The following HBP1 variants were observed in gnomAD, a reference collection of about 807,000 sequenced individuals.
HBP1 encodes HMG box-containing protein 1.
In HBP1, 20 loss-of-function variants were observed where a neutral mutation model predicts 62.6. The observed-to-expected ratio is 0.32, with a 90% confidence interval of 0.22 to 0.46. HBP1 has a LOEUF of 0.46. Ranked by LOEUF, HBP1 falls within the 20% of genes least tolerant of loss-of-function variation. HBP1 has a pLI of 1.00. For missense variants in HBP1, 480 were observed against 611.8 expected, an observed-to-expected ratio of 0.78 and a Z score of 2.27; for synonymous variants, 232 against 206.2, an observed-to-expected ratio of 1.12 and a Z score of -1.07.
chr7:107,196,504 G>A lies in HBP1; in HGVS notation c.1385+353G>A, dbSNP rs191303274. The A allele has an allele frequency of 9.8e-5, 32 of 325,558 alleles. No individual in the cohort carries two copies. The East Asian group carries it at 2.3e-3, about 24-fold the overall frequency. 20.2% of individuals were successfully genotyped at this position (325,558 alleles called of 1,614,324 possible). On this transcript the variant is annotated intron_variant, in intron 9 of 10. Coordinates refer to ENST00000222574, the MANE Select transcript of HBP1 (RefSeq NM_012257.4). ...AGGCTGATCTCGAACTCCTGACCTC[G>A]TGATCCACCCACCTTGGCCTCCTAA...
intron 1 of HBP1, among the ~76,000 whole-genome samples, chr7:107,172,208 C>G (rs1393514365): frequency 6.6e-6 from 1 of 151,726 alleles, no homozygotes; most frequent in Non-Finnish European, 1.5e-5. Flanking sequence ...AAAGCTTTTC[C>G]CACAAGTTTT....
At position 107,169,204 on chromosome 7, in the gene HBP1, A is replaced by G. The variant is rs4730221; in HGVS notation, c.-16+19A>G. 1.3e-5 allele frequency: 9 copies of G among 669,920 alleles called. No homozygotes were observed. The South Asian group carries it at 2.7e-4, about 20-fold the overall frequency. The allele number at this position is 669,920 out of a possible 1,614,324, so 41.5% of individuals were successfully genotyped here. A position where few individuals can be genotyped will look rare whatever the true frequency, so the allele number is the denominator to read the frequency against. ...GCGGCAGGTTTGTTGTCTTTCAGTTAGGGAAGAGGTGGGGGTGGGGAAGGG... is the reference window on the plus strand; with the variant it reads ...GCGGCAGGTTTGTTGTCTTTCAGTTGGGGAAGAGGTGGGGGTGGGGAAGGG... On this transcript the variant is annotated intron_variant, in intron 1 of 10. Transcript: ENST00000222574.
rs1797385394 is a variant in HBP1 at position 107,186,576 on chromosome 7, A to G, written c.660A>G (p.Arg220=). The G allele has an allele frequency of 1.2e-6, 2 of 1,609,404 alleles. No homozygotes were observed. Among genetic ancestry groups the G allele is most frequent in the Admixed American group, 3.3e-5 (2 of 59,986 alleles). ...TTTCTACCTAAACCTTAGGCACACG[A>G]CTGTGCTTTCATAAGGGAAGCAATA... ...TVWHCFLKGT[R]LCFHKGSNKE... Residue 220 remains arginine, a synonymous_variant, in exon 6 of 11, where the codon CGA becomes CGG. Coordinates refer to ENST00000222574, the MANE Select transcript of HBP1 (RefSeq NM_012257.4).
chr7:107,173,164 T>C (rs1472962567), intron 1 of HBP1, among the ~76,000 whole-genome samples: 2 of 152,232 alleles, frequency 1.3e-5, no homozygotes, highest in Non-Finnish European at 2.9e-5. Flanking sequence ...TAATATACTT[T>C]GTTATGGAGG....
Position 107,200,033 on chromosome 7 carries a change from C to G in HBP1, c.1386-127C>G, listed in dbSNP as rs180882243. 2.6e-4 allele frequency: 177 copies of G among 683,976 alleles called. 1 individual carries two copies. In the African/African-American group the frequency reaches 3.0e-3, roughly 12 times the overall value. 42.4% of individuals were successfully genotyped at this position (683,976 alleles called of 1,614,324 possible). A position where few individuals can be genotyped will look rare whatever the true frequency, so the allele number is the denominator to read the frequency against. On this transcript the variant is annotated intron_variant, in intron 9 of 10. Transcript: ENST00000222574. ...TGAGCATTATGGCCTTGACCTTTTC[C>G]CATCTCTGTGATAGACAAGATTTTC...
chr7:107,188,211 A>G (rs1430571237), intron 6 of HBP1, among the ~76,000 whole-genome samples: 2 of 152,200 alleles, frequency 1.3e-5, no homozygotes, highest in Non-Finnish European at 2.9e-5. Context: ...GCTGCATGTT[A>G]GACATCTCTG....
intron 9 of HBP1, among the ~76,000 whole-genome samples, chr7:107,197,973 A>G (rs1798006700): frequency 6.6e-6 from 1 of 152,090 alleles, no homozygotes; most frequent in Non-Finnish European, 1.5e-5. Context: ...CACTTCTGGT[A>G]TTTAATTATT....
Position 107,179,918 on chromosome 7 carries a change from C to G in HBP1, c.25C>G (p.Gln9Glu), listed in dbSNP as rs1797031872. 2 of 1,561,332 alleles carry G rather than the reference C, an allele frequency of 1.3e-6. No individual in the cohort carries two copies. Among genetic ancestry groups the G allele is most frequent in the Admixed American group, 1.7e-5 (1 of 58,710 alleles). The change falls in exon 2 of 11, where the codon CAG becomes GAG. Residue 9 changes from glutamine to glutamate, a missense_variant. By Grantham distance (29) the Gln-to-Glu change is conservative. Transcript: ENST00000222574. MVWEVKTN[Q>E]MPNAVQKLLL... Reference sequence around the variant, plus strand: ...CATGGTGTGGGAAGTGAAGACAAATCAGATGCCTAATGCAGTACAGAAACT... The same window carrying G: ...CATGGTGTGGGAAGTGAAGACAAATGAGATGCCTAATGCAGTACAGAAACT...
At chr7:107,199,802 A>C (rs749056269) in intron 9 of HBP1, among the ~76,000 whole-genome samples, 21 of 152,214 alleles carry the variant, frequency 1.4e-4, no homozygotes, top group Non-Finnish European at 2.8e-4. Flanking sequence ...TACTGTCTAA[A>C]GGTTTATTTG....
chr7:107,171,069 A>ATTTTTTTTTTTTTTTTTT (rs1292839546), intron 1 of HBP1, among the ~76,000 whole-genome samples: 1 of 72,378 alleles, frequency 1.4e-5, no homozygotes, highest in African/African-American at 1.1e-4. Flanking sequence ...ATATATATAT[A>ATTTTTTTTTTTTTTTTTT]TATATTTTTT....
chr7:107,182,020 CATT>C (rs1426266744), intron 2 of HBP1, among the ~76,000 whole-genome samples: 3 of 152,042 alleles, frequency 2.0e-5, no homozygotes, highest in African/African-American at 7.2e-5. Context: ...TCTATATTAT[CATT>C]ATGGAAATTA....
intron 8 of HBP1, among the ~76,000 whole-genome samples, chr7:107,194,540 T>G (rs1262528827): frequency 6.6e-6 from 1 of 152,196 alleles, no homozygotes; most frequent in Non-Finnish European, 1.5e-5. Context: ...AAAAAGACAT[T>G]GTGTGCTTGA....
intron 3 of HBP1, among the ~76,000 whole-genome samples, chr7:107,183,022 C>G (rs1797182427): frequency 1.3e-5 from 2 of 152,074 alleles, no homozygotes; most frequent in Non-Finnish European, 2.9e-5. Flanking sequence ...CATTATTTGC[C>G]TGTTTGCTAA....
Position 107,200,220 on chromosome 7 carries a change from G to A in HBP1, c.1446G>A (p.Met482Ile), listed in dbSNP as rs1438153999. ...AAATGAAGAATGAAGAGAGAAGAAT[G>A]TACACATTAGAAGCAAAGGCTTTGG... ...WKKMKNEERR[M>I]YTLEAKALAE... The change falls in exon 10 of 11, where the codon ATG becomes ATA. Residue 482 changes from methionine to isoleucine, a missense_variant. Around this residue, in one of 4 missense-constraint regions of HBP1, gnomAD observed 52 missense variants for 96.0 expected, o/e 0.54. Coordinates refer to ENST00000222574, the MANE Select transcript of HBP1 (RefSeq NM_012257.4). 6.2e-7 allele frequency: 1 copy of A among 1,611,474 alleles called. No individual in the cohort carries two copies. Among genetic ancestry groups the A allele is most frequent in the South Asian group, 1.1e-5 (1 of 90,812 alleles).
At chr7:107,191,382 T>C (rs1340771238) in intron 8 of HBP1, among the ~76,000 whole-genome samples, 3 of 152,202 alleles carry the variant, frequency 2.0e-5, no homozygotes, top group African/African-American at 4.8e-5. Flanking sequence ...TATAGATTAA[T>C]GATAACTCCT....
chr7:107,201,629 A>C lies in HBP1; in HGVS notation c.*198A>C, dbSNP rs562248212. 24 of 432,378 alleles carry C rather than the reference A, an allele frequency of 5.6e-5. No homozygotes were observed. Among genetic ancestry groups the C allele is most frequent in the Non-Finnish European group, 7.9e-5 (19 of 239,326 alleles). The allele number at this position is 432,378 out of a possible 1,614,324, so 26.8% of individuals were successfully genotyped here. A position where few individuals can be genotyped will look rare whatever the true frequency, so the allele number is the denominator to read the frequency against. Reference sequence around the variant, plus strand: ...TTAGAGCATTAAGCTAAAACTATCAACATTTTAAACCAAATTGCCTTATTT... The same window carrying C: ...TTAGAGCATTAAGCTAAAACTATCACCATTTTAAACCAAATTGCCTTATTT... On this transcript the variant is annotated 3_prime_UTR_variant, in exon 11 of 11. Coordinates refer to ENST00000222574, the MANE Select transcript of HBP1 (RefSeq NM_012257.4).
At chr7:107,169,479 C>T (rs1443037433) in intron 1 of HBP1, among the ~76,000 whole-genome samples, 1 of 121,844 alleles carries the variant, frequency 8.2e-6, no homozygotes, top group Non-Finnish European at 1.7e-5. Flanking sequence ...GGTGGCCGGG[C>T]CGGGTGTGGA....
intron 6 of HBP1, 118 bp from the exon 7 acceptor site, chr7:107,189,174 G>T: frequency 2.6e-6 from 2 of 755,386 alleles, no homozygotes; most frequent in South Asian, 2.0e-5. Flanking sequence ...CTCTTTAATG[G>T]CAGGGATCCT....
intron 9 of HBP1, among the ~76,000 whole-genome samples, chr7:107,199,893 A>C (rs1477427871): frequency 2.6e-5 from 4 of 152,272 alleles, no homozygotes; most frequent in Non-Finnish European, 5.9e-5. Flanking sequence ...AAAGACCTTT[A>C]TCAAAACTAT....
Sources: gnomAD v4.1 joint callset for allele counts (sites outside exome capture counted in the v4.1 genomes callset) on GRCh38, gnomAD v4.1.1 for gene constraint, gnomAD v4.1.1 regional missense constraint, MANE v1.5 for transcripts, NCBI Gene and HGNC (gene_info 2026-07-23, HGNC 2026-07-21) for gene names.